UBXN7: variants seen among roughly 807,000 people sequenced by gnomAD.
The protein encoded by UBXN7 is UBX domain protein 7.
Under a neutral mutation model 58.0 loss-of-function variants are expected in UBXN7, and 9 were observed. The observed-to-expected ratio is 0.16, with a 90% CI of 0.09 to 0.27. UBXN7 has a LOEUF of 0.27. Among genes scored for constraint, UBXN7 ranks in the 10% least tolerant of loss-of-function variants. UBXN7 has a pLI of 1.00. For missense variants in UBXN7, 328 were observed against 599.6 expected, an observed-to-expected ratio of 0.55 and a Z score of 4.73; for synonymous variants, 208 against 205.0, an observed-to-expected ratio of 1.01 and a Z score of -0.12.
intron 1 of UBXN7, among the ~76,000 whole-genome samples, chr3:196,413,110 G>A (rs891779434): frequency 1.3e-5 from 2 of 152,090 alleles, no homozygotes; most frequent in Admixed American, 6.6e-5. Flanking sequence ...GGAGGCCGAC[G>A]TGGGCGGATC....
chr3:196,421,184 C>T (rs9841810), intron 1 of UBXN7, among the ~76,000 whole-genome samples: 80,000 of 151,916 alleles, frequency 0.53, 21,495 homozygotes, highest in East Asian at 0.9. Flanking sequence ...AGTTAGGGGA[C>T]AGATAAGGCA....
intron 2 of UBXN7, 120 bp from the exon 3 acceptor site, chr3:196,403,139 T>G: frequency 9.6e-7 from 1 of 1,042,458 alleles, no homozygotes; most frequent in Non-Finnish European, 1.4e-6. Context: ...ACAGTAATAA[T>G]AAGTTTTTGT....
intron 10 of UBXN7, among the ~76,000 whole-genome samples, chr3:196,361,232 C>A (rs897098067): frequency 1.3e-5 from 2 of 151,984 alleles, no homozygotes; most frequent in African/African-American, 2.4e-5. Flanking sequence ...TGGAGGATGG[C>A]GATATGACTG....
At chr3:196,424,768 T>C (rs1190902541) in intron 1 of UBXN7, among the ~76,000 whole-genome samples, 1 of 148,970 alleles carries the variant, frequency 6.7e-6, no homozygotes, top group African/African-American at 2.5e-5. Flanking sequence ...AATGGCGTGA[T>C]CTCAGCTCAC....
intron 5 of UBXN7, among the ~76,000 whole-genome samples, chr3:196,389,635 T>C (rs962087196): frequency 4.6e-5 from 7 of 152,222 alleles, no homozygotes; most frequent in African/African-American, 1.7e-4. Context: ...GGCTTCCCCT[T>C]TGCCTTCTGC....
chr3:196,426,275 G>C (rs1730845653), intron 1 of UBXN7, among the ~76,000 whole-genome samples: 2 of 151,204 alleles, frequency 1.3e-5, no homozygotes, highest in African/African-American at 4.9e-5. Context: ...GGTCCCAGCT[G>C]CTCAGGAGGC....
chr3:196,370,414 C>T (rs567308125), intron 6 of UBXN7, among the ~76,000 whole-genome samples: 2 of 150,272 alleles, frequency 1.3e-5, no homozygotes, highest in Admixed American at 6.7e-5. Flanking sequence ...GACTGCACCA[C>T]TGTGTTCCGG....
intron 8 of UBXN7, among the ~76,000 whole-genome samples, chr3:196,365,745 T>C (rs549274996): frequency 6.6e-6 from 1 of 152,202 alleles, no homozygotes; most frequent in African/African-American, 2.4e-5. Flanking sequence ...AACAAATCCC[T>C]AGAAAGATAC....
intron 8 of UBXN7, among the ~76,000 whole-genome samples, chr3:196,363,791 T>C (rs1728579025): frequency 6.6e-6 from 1 of 151,884 alleles, no homozygotes; most frequent in South Asian, 2.1e-4. Flanking sequence ...CAGCTGGGCA[T>C]GGTGGTGCGC....
At chr3:196,389,644 G>T (rs1190583332) in intron 5 of UBXN7, among the ~76,000 whole-genome samples, 1 of 152,196 alleles carries the variant, frequency 6.6e-6, no homozygotes, top group Non-Finnish European at 1.5e-5. Context: ...TTTGCCTTCT[G>T]CCATGACTGC....
intron 3 of UBXN7, among the ~76,000 whole-genome samples, chr3:196,397,975 CCT>C (rs960591783): frequency 1.6e-4 from 24 of 152,276 alleles, no homozygotes; most frequent in African/African-American, 5.5e-4. Context: ...CCCAATTTTC[CCT>C]GTCTCCCAGT....
chr3:196,404,285 C>T (rs1410748623), intron 2 of UBXN7, among the ~76,000 whole-genome samples: 2 of 128,036 alleles, frequency 1.6e-5, no homozygotes, highest in Admixed American at 8.8e-5. Flanking sequence ...TTTTTTGAGA[C>T]GGAGTCTCAC....
intron 3 of UBXN7, chr3:196,400,320 T>G (rs1258283960): frequency 6.6e-6 from 1 of 152,234 alleles, no homozygotes; most frequent in Non-Finnish European, 1.5e-5. Context: ...TTTAAATCAA[T>G]ACTGTCTTAA....
At chr3:196,410,904 T>C (rs1730304693) in intron 1 of UBXN7, among the ~76,000 whole-genome samples, 1 of 152,210 alleles carries the variant, frequency 6.6e-6, no homozygotes, top group South Asian at 2.1e-4. Flanking sequence ...AAGCCCTTTG[T>C]GATCAGGCCT....
intron 5 of UBXN7, among the ~76,000 whole-genome samples, chr3:196,385,955 A>T (rs1404532446): frequency 6.6e-6 from 1 of 152,232 alleles, no homozygotes; most frequent in Non-Finnish European, 1.5e-5. Flanking sequence ...ATGTAGGGAA[A>T]GGAAGGAGAG....
chr3:196,365,181 T>C (rs1728627874), intron 8 of UBXN7, among the ~76,000 whole-genome samples: 1 of 147,094 alleles, frequency 6.8e-6, no homozygotes, highest in South Asian at 2.1e-4. Flanking sequence ...TATCGAAAAA[T>C]TATAGAATTA....
At chr3:196,428,866 ATCT>A (rs1730930272) in intron 1 of UBXN7, among the ~76,000 whole-genome samples, 1 of 151,944 alleles carries the variant, frequency 6.6e-6, no homozygotes, top group Non-Finnish European at 1.5e-5. Context: ...CTTTTTAATA[ATCT>A]TTTTTAATCA....
chr3:196,396,245 C>G (rs73213959), intron 3 of UBXN7, among the ~76,000 whole-genome samples: 11,393 of 150,340 alleles, frequency 0.076, 562 homozygotes, highest in Middle Eastern at 0.16. Context: ...AATAATATAG[C>G]CTGCCAAAGA....
chr3:196,364,314 A>G (rs1728595783), intron 8 of UBXN7, among the ~76,000 whole-genome samples: 1 of 152,236 alleles, frequency 6.6e-6, no homozygotes, highest in Admixed American at 6.5e-5. Context: ...ATTTCAGGAT[A>G]TTACAGAATT....
Sources: allele counts gnomAD v4.1 joint callset (sites outside exome capture counted in the v4.1 genomes callset), GRCh38; gene constraint gnomAD v4.1.1; transcripts MANE v1.5; gene names NCBI Gene and HGNC (gene_info 2026-07-23, HGNC 2026-07-21).